The following MAF variants were observed in gnomAD, a reference collection of about 807,000 sequenced individuals.
MAF encodes MAF bZIP transcription factor.
In MAF, 10 loss-of-function variants were observed where a neutral mutation model predicts 22.0. That is an observed-to-expected ratio of 0.45 (90% CI 0.28 to 0.77). The LOEUF (loss-of-function observed/expected upper bound fraction) is 0.77. MAF is among the 30% of genes least tolerant of loss of function. The pLI is 0.12. For synonymous variants in MAF, 337 were observed against 255.8 expected (o/e 1.32, Z -3.03); for missense variants, 544 against 548.4 (o/e 0.99, Z 0.08).
chr16:79,453,781 A>C, the MAF span, among the ~76,000 whole-genome samples: 1 of 152,166 alleles, frequency 6.6e-6, no homozygotes, highest in Non-Finnish European at 1.5e-5. Flanking sequence ...GCCCATATTT[A>C]TTGGAGACTG....
chr16:79,210,199 T>G, the MAF span, among the ~76,000 whole-genome samples: 1 of 152,086 alleles, frequency 6.6e-6, no homozygotes, highest in South Asian at 2.1e-4. Flanking sequence ...ACCAACTCCA[T>G]TGTTACTAGA....
chr16:79,286,162 T>TCTTTTAAAATA, the MAF span, among the ~76,000 whole-genome samples: 5 of 152,258 alleles, frequency 3.3e-5, no homozygotes, highest in African/African-American at 1.2e-4. Flanking sequence ...AGCTGGTTTT[T>TCTTTTAAAATA]CTTTTAAAAT....
the MAF span, among the ~76,000 whole-genome samples, chr16:79,277,001 C>T: frequency 6.7e-4 from 102 of 152,234 alleles, no homozygotes; most frequent in African/African-American, 2.3e-3. Context: ...GTTTTCTCTT[C>T]TGTGTGCCTG....
chr16:79,450,139 C>T, the MAF span, among the ~76,000 whole-genome samples: 50 of 152,330 alleles, frequency 3.3e-4, no homozygotes, highest in East Asian at 5.0e-3. Context: ...CTAAAATCAT[C>T]GTGTCATCTC....
the MAF span, among the ~76,000 whole-genome samples, chr16:79,495,577 T>G: frequency 2.0e-5 from 3 of 152,226 alleles, no homozygotes; most frequent in Admixed American, 2.0e-4. Context: ...TATGCCACAG[T>G]TTCTTTTTGC....
At chr16:79,521,192 C>A in the MAF span, among the ~76,000 whole-genome samples, 1 of 152,194 alleles carries the variant, frequency 6.6e-6, no homozygotes, top group African/African-American at 2.4e-5. Context: ...ACTGGGAATT[C>A]TAAACCCAAG....
the MAF span, among the ~76,000 whole-genome samples, chr16:79,352,808 C>G: frequency 6.6e-6 from 1 of 152,142 alleles, no homozygotes. Context: ...CAGTAGCACC[C>G]TCACCCAAGT....
At chr16:79,333,128 G>C in the MAF span, among the ~76,000 whole-genome samples, 1 of 152,128 alleles carries the variant, frequency 6.6e-6, no homozygotes, top group African/African-American at 2.4e-5. Flanking sequence ...TGGTGGTCCT[G>C]GCTCTGGATT....
chr16:79,466,836 C>T, the MAF span, among the ~76,000 whole-genome samples: 1 of 152,200 alleles, frequency 6.6e-6, no homozygotes, highest in Non-Finnish European at 1.5e-5. Flanking sequence ...ATCTTTTCCC[C>T]TGCCCGCGAC....
the MAF span, among the ~76,000 whole-genome samples, chr16:79,209,138 A>T: frequency 6.6e-6 from 1 of 152,214 alleles, no homozygotes; most frequent in Admixed American, 6.5e-5. Context: ...CTCCTGATAA[A>T]AAGTTAGGCT....
the MAF span, among the ~76,000 whole-genome samples, chr16:79,310,643 G>C: frequency 2.6e-5 from 4 of 152,266 alleles, no homozygotes; most frequent in East Asian, 7.8e-4. Flanking sequence ...TTCATCCCTG[G>C]TCACGAACTG....
the MAF span, among the ~76,000 whole-genome samples, chr16:79,303,590 A>C: frequency 6.6e-6 from 1 of 152,328 alleles, no homozygotes; most frequent in South Asian, 2.1e-4. Context: ...TGTTGGCCAA[A>C]CCCAGTGCCT....
chr16:79,464,773 G>A, the MAF span, among the ~76,000 whole-genome samples: 1 of 152,164 alleles, frequency 6.6e-6, no homozygotes, highest in Non-Finnish European at 1.5e-5. Context: ...AATTAGACAC[G>A]TCCCTGACCC....
chr16:79,366,749 G>A, the MAF span, among the ~76,000 whole-genome samples: 1 of 152,168 alleles, frequency 6.6e-6, no homozygotes, highest in Non-Finnish European at 1.5e-5. Flanking sequence ...AGAAACGTAT[G>A]GTGCTAGAGA....
chr16:79,229,416 A>G, the MAF span: 1 of 152,038 alleles, frequency 6.6e-6, no homozygotes, highest in Non-Finnish European at 1.5e-5. Context: ...TAGCTAGAGC[A>G]GTTTCACCTT....
At chr16:79,432,734 T>C in the MAF span, among the ~76,000 whole-genome samples, 1 of 152,016 alleles carries the variant, frequency 6.6e-6, no homozygotes, top group Admixed American at 6.6e-5. Flanking sequence ...AAGTGAAAAT[T>C]TGGACATACA....
chr16:79,596,571 G>A (rs1156837986), intron 1 of MAF: 26 of 1,047,502 alleles, frequency 2.5e-5, no homozygotes, highest in Non-Finnish European at 2.8e-5. Flanking sequence ...AACAACACGC[G>A]TGGTTAGTTA....
At chr16:79,389,444 G>C in the MAF span, among the ~76,000 whole-genome samples, 1 of 151,948 alleles carries the variant, frequency 6.6e-6, no homozygotes, top group Admixed American at 6.5e-5. Flanking sequence ...TTTTAGTAGA[G>C]ACAGGGTTTC....
At chr16:79,439,826 C>T in the MAF span, among the ~76,000 whole-genome samples, 2 of 152,134 alleles carry the variant, frequency 1.3e-5, no homozygotes, top group East Asian at 1.9e-4. Context: ...TGGAAACGAC[C>T]GAAACAGATC....
Sources: allele counts gnomAD v4.1 joint callset (sites outside exome capture counted in the v4.1 genomes callset), GRCh38; gene constraint gnomAD v4.1.1; transcripts MANE v1.5; gene names NCBI Gene and HGNC (gene_info 2026-07-23, HGNC 2026-07-21).